The following FSTL5 variants were observed in gnomAD, a reference collection of about 807,000 sequenced individuals.
FSTL5 encodes the protein follistatin like 5.
Under a neutral mutation model 89.1 loss-of-function variants are expected in FSTL5, and 62 were observed. The ratio of observed to expected loss-of-function variants is 0.70; its 90% CI spans 0.57 to 0.86. FSTL5 has a LOEUF of 0.86. FSTL5 is among the 40% of genes least tolerant of loss of function. The pLI is 0.00. For synonymous variants in FSTL5, 383 were observed against 346.2 expected, an observed-to-expected ratio of 1.11 and a Z score of -1.18; for missense variants, 1,057 against 1,001.6, an observed-to-expected ratio of 1.06 and a Z score of -0.75.
intron 10 of FSTL5, among the ~76,000 whole-genome samples, chr4:161,524,947 G>C (rs1036864074): frequency 1.7e-4 from 25 of 147,812 alleles, no homozygotes; most frequent in African/African-American, 5.8e-4. Flanking sequence ...AACAGAGCAA[G>C]ACTCCATCTC....
At chr4:161,919,073 T>C (rs979121738) in intron 4 of FSTL5, among the ~76,000 whole-genome samples, 4 of 152,308 alleles carry the variant, frequency 2.6e-5, no homozygotes, top group South Asian at 2.1e-4. Context: ...AATTTCATAG[T>C]GTCAAGTATC....
intron 4 of FSTL5, among the ~76,000 whole-genome samples, chr4:161,846,389 T>C (rs563311312): frequency 6.6e-6 from 1 of 152,198 alleles, no homozygotes; most frequent in African/African-American, 2.4e-5. Context: ...TAATAGACAA[T>C]ATATTAATGA....
intron 12 of FSTL5, among the ~76,000 whole-genome samples, chr4:161,481,397 T>C (rs1729502102): frequency 1.3e-5 from 2 of 152,158 alleles, no homozygotes; most frequent in South Asian, 4.1e-4. Flanking sequence ...TAATTACTTA[T>C]TTTTCTAGTA....
chr4:161,752,590 C>A (rs1329500951), intron 6 of FSTL5, among the ~76,000 whole-genome samples: 1 of 152,132 alleles, frequency 6.6e-6, no homozygotes, highest in Non-Finnish European at 1.5e-5. Flanking sequence ...AAGAAGACTT[C>A]ACTTTTTTTT....
At position 162,135,901 on chromosome 4, in the gene FSTL5, T is replaced by C. The variant is rs180842317; in HGVS notation, c.-16-24489A>G. Among the ~76,000 whole-genome samples, 15 of 152,270 alleles carry C rather than the reference T, an allele frequency of 9.9e-5. No individual in the cohort carries two copies. The East Asian group carries it at 2.9e-3, about 29-fold the overall frequency. Reference sequence around the variant, plus strand: ...AAAAATCTCTTTCATTTTTCTTTTGTTCTCTATACACATTTTATGCTAATG... The same window carrying C: ...AAAAATCTCTTTCATTTTTCTTTTGCTCTCTATACACATTTTATGCTAATG... On this transcript the variant is annotated intron_variant, in intron 1 of 15. Transcript: ENST00000306100.
At chr4:161,967,249 G>A (rs1412730848) in intron 3 of FSTL5, among the ~76,000 whole-genome samples, 2 of 152,022 alleles carry the variant, frequency 1.3e-5, no homozygotes, top group African/African-American at 4.8e-5. Context: ...TATTCCTGTT[G>A]AGTATTGTTG....
intron 3 of FSTL5, among the ~76,000 whole-genome samples, chr4:161,937,089 TAAAC>T (rs1268411409): frequency 6.6e-6 from 1 of 151,880 alleles, no homozygotes; most frequent in African/African-American, 2.4e-5. Flanking sequence ...AAGACCAAAA[TAAAC>T]AAACAGATTA....
intron 3 of FSTL5, among the ~76,000 whole-genome samples, chr4:161,930,583 T>G (rs1466417035): frequency 1.3e-5 from 2 of 151,764 alleles, no homozygotes; most frequent in East Asian, 3.9e-4. Context: ...AAATACAGTG[T>G]CTTCAGGTTC....
Position 161,386,337 on chromosome 4 carries a change from A to G in FSTL5, c.1954T>C (p.Leu652=), listed in dbSNP as rs896497668. The G allele has an allele frequency of 2.4e-5, 39 of 1,613,996 alleles. No individual in the cohort carries two copies. Among genetic ancestry groups the G allele is most frequent in the Non-Finnish European group, 3.2e-5 (38 of 1,179,922 alleles). Reference sequence around the variant, plus strand: ...TAGCCTCCCAAGTGTGTATATGCCAATGACTGAGGAACGCACTTATAGTCC... The same window carrying G: ...TAGCCTCCCAAGTGTGTATATGCCAGTGACTGAGGAACGCACTTATAGTCC... ...LKDYKCVPQS[L]AYTHLGGYYF... The change falls in exon 16 of 16, where the codon TTG becomes CTG. Residue 652 remains leucine, a synonymous_variant. Coordinates refer to ENST00000306100, the MANE Select transcript of FSTL5 (RefSeq NM_020116.5).
chr4:161,747,677 G>C (rs1052480256), intron 6 of FSTL5, among the ~76,000 whole-genome samples: 5 of 152,154 alleles, frequency 3.3e-5, no homozygotes, highest in African/African-American at 1.2e-4. Context: ...CAAGTTTACT[G>C]TAGTTTCCTT....
intron 13 of FSTL5, among the ~76,000 whole-genome samples, chr4:161,467,609 A>G (rs753060403): frequency 9.9e-5 from 15 of 152,126 alleles, no homozygotes; most frequent in Non-Finnish European, 2.1e-4. Flanking sequence ...TTAAAATTCT[A>G]AAAGATGAAT....
intron 2 of FSTL5, among the ~76,000 whole-genome samples, chr4:162,084,930 A>G (rs1346838942): frequency 6.6e-6 from 1 of 152,120 alleles, no homozygotes; most frequent in Non-Finnish European, 1.5e-5. Flanking sequence ...AATAGAATGC[A>G]TATTTAAACT....
chr4:161,873,472 A>C (rs1423440763), intron 4 of FSTL5, among the ~76,000 whole-genome samples: 1 of 150,974 alleles, frequency 6.6e-6, no homozygotes, highest in East Asian at 1.9e-4. Flanking sequence ...TAATAAAATT[A>C]TTTCCTTAGT....
chr4:161,632,755 A>G (rs772637480), intron 7 of FSTL5, among the ~76,000 whole-genome samples: 1 of 152,186 alleles, frequency 6.6e-6, no homozygotes, highest in Non-Finnish European at 1.5e-5. Flanking sequence ...CACTATTTCT[A>G]ATTTGCTTAC....
intron 11 of FSTL5, among the ~76,000 whole-genome samples, chr4:161,506,627 T>TCGTCTGTATTTC: frequency 6.6e-6 from 1 of 152,260 alleles, no homozygotes; most frequent in African/African-American, 2.4e-5. Flanking sequence ...AGCTGTATTT[T>TCGTCTGTATTTC]CGTCTGTATT....
chr4:162,087,756 A>G (rs1396176499), intron 2 of FSTL5, among the ~76,000 whole-genome samples: 4 of 152,162 alleles, frequency 2.6e-5, no homozygotes, highest in Non-Finnish European at 5.9e-5. Flanking sequence ...TGGAGGTGAC[A>G]AAATATCATT....
intron 2 of FSTL5, among the ~76,000 whole-genome samples, chr4:162,055,025 A>G (rs957954895): frequency 2.0e-5 from 3 of 151,878 alleles, no homozygotes; most frequent in African/African-American, 7.3e-5. Flanking sequence ...CAGTTACTTG[A>G]TAACTAGTTA....
intron 13 of FSTL5, among the ~76,000 whole-genome samples, chr4:161,470,113 C>T (rs1578858247): frequency 6.6e-6 from 1 of 151,858 alleles, no homozygotes; most frequent in East Asian, 1.9e-4. Flanking sequence ...TTATTAAGTC[C>T]AATTTATGTA....
At chr4:161,802,907 C>A (rs551034552) in intron 4 of FSTL5, among the ~76,000 whole-genome samples, 7 of 151,874 alleles carry the variant, frequency 4.6e-5, no homozygotes, top group Non-Finnish European at 7.4e-5. Context: ...CAGCAATCTA[C>A]TGTTTTTGAA....
Sources: allele counts gnomAD v4.1 joint callset (sites outside exome capture counted in the v4.1 genomes callset), GRCh38; gene constraint gnomAD v4.1.1; transcripts MANE v1.5; gene names NCBI Gene and HGNC (gene_info 2026-07-23, HGNC 2026-07-21).